Variants in KCNQ1OT1 observed in about 807,000 individuals in gnomAD.
KCNQ1OT1 encodes KCNQ1 antisense RNA 2 (non-protein coding).
Position 2,676,152 on chromosome 11 carries a change from A to G in KCNQ1OT1, n.23843T>C. On this transcript the variant is annotated non_coding_transcript_exon_variant, in exon 1 of 1. Transcript: ENST00000597346. This position sits in a 1 kb window ranked among gnomAD's most constrained non-coding sequence, Gnocchi z 4.2. ...ATACAAATGGTAGCATACTGTATGTATTTTTCTACACTTTGCCTTTGACTT... is the reference window on the plus strand; with the variant it reads ...ATACAAATGGTAGCATACTGTATGTGTTTTTCTACACTTTGCCTTTGACTT... The G allele has an allele frequency of 5.0e-6, 2 of 398,548 alleles. No homozygotes were observed. Among genetic ancestry groups the G allele is most frequent in the Non-Finnish European group, 4.4e-6 (1 of 226,046 alleles). 24.7% of individuals were successfully genotyped at this position (398,548 alleles called of 1,614,324 possible). A position where few individuals can be genotyped will look rare whatever the true frequency, so the allele number is the denominator to read the frequency against.
rs16928535 is a variant in KCNQ1OT1, at chr11:2,677,050, T to G, written n.22945A>C. On this transcript the variant is annotated non_coding_transcript_exon_variant, in exon 1 of 1. Coordinates refer to ENST00000597346, the Ensembl canonical transcript of KCNQ1OT1. This position sits in a 1 kb window ranked among gnomAD's most constrained non-coding sequence, Gnocchi z 4.5. ...TCTGTTGATGGATATGTAGGGCAGC[T>G]AAAAAACAGCAGCCATTAACCATTC... The G allele has an allele frequency of 0.014, 5,643 of 398,612 alleles. 194 individuals are homozygous for G. The highest frequency in any genetic ancestry group is 0.096 in the East Asian group (2,686 of 28,082). 24.7% of individuals were successfully genotyped at this position (398,612 alleles called of 1,614,324 possible).
exon 1 of KCNQ1OT1, chr11:2,665,606 C>T (rs1384501749): frequency 2.5e-6 from 1 of 397,142 alleles, no homozygotes; most frequent in Non-Finnish European, 4.4e-6. Context: ...CCCCAGGACA[C>T]ACTTAGGCTG....
chr11:2,666,493 C>G (rs1359813136), exon 1 of KCNQ1OT1: 6 of 398,568 alleles, frequency 1.5e-5, no homozygotes, highest in Non-Finnish European at 2.7e-5. Flanking sequence ...TCGAGTTGCT[C>G]TTTTCCAGCA....
rs1246459761 is a variant in KCNQ1OT1, at chr11:2,620,502, T to TTGTA, written n.79492_79493insTACA. The TTGTA allele has an allele frequency of 8.1e-6, 3 of 369,978 alleles. No individual in the cohort carries two copies. The East Asian group carries it at 1.2e-4, about 14-fold the overall frequency. The allele number at this position is 369,978 out of a possible 1,614,324, so 22.9% of individuals were successfully genotyped here. A position where few individuals can be genotyped will look rare whatever the true frequency, so the allele number is the denominator to read the frequency against. ...AAGTGCTGGGATTACAGGTGAGAGCTACCGCACCTGGCCGAATTCATTCAT... is the reference window on the plus strand; with the variant it reads ...AAGTGCTGGGATTACAGGTGAGAGCTTGTAACCGCACCTGGCCGAATTCATTCAT... On this transcript the variant is annotated non_coding_transcript_exon_variant, in exon 1 of 1. Transcript: ENST00000597346. The surrounding 1 kb of genome is among the most constrained non-coding windows in gnomAD (Gnocchi z 4.5).
rs985194859 is a variant in KCNQ1OT1, at chr11:2,688,210, C to T, written n.11785G>A. 1.3e-5 allele frequency: 5 copies of T among 398,654 alleles called. No individual in the cohort carries two copies. In the East Asian group the frequency reaches 1.4e-4, roughly 11 times the overall value. The allele number at this position is 398,654 out of a possible 1,614,324, so 24.7% of individuals were successfully genotyped here. On this transcript the variant is annotated non_coding_transcript_exon_variant, in exon 1 of 1. Coordinates refer to ENST00000597346, the Ensembl canonical transcript of KCNQ1OT1. ...AGGGGGCAGGAGGGGCTGCACTGAG[C>T]CCACCAAAGGTTGTAGCCACTCATA...
At chr11:2,615,230 T>G (rs1333970881) in exon 1 of KCNQ1OT1, 2 of 398,030 alleles carry the variant, frequency 5.0e-6, no homozygotes, top group African/African-American at 4.1e-5. Flanking sequence ...ACAAATGATT[T>G]TCTTAAAATA....
At chr11:2,636,220 T>C (rs1267463568) in exon 1 of KCNQ1OT1, 2 of 152,204 alleles carry the variant, frequency 1.3e-5, no homozygotes, top group East Asian at 1.9e-4. Context: ...TCCAACACTA[T>C]GTTGAATAGG....
rs1280869157 is a variant in KCNQ1OT1, at chr11:2,645,948, C to T, written n.54047G>A. On this transcript the variant is annotated non_coding_transcript_exon_variant, in exon 1 of 1. Coordinates refer to ENST00000597346, the Ensembl canonical transcript of KCNQ1OT1. This position sits in a 1 kb window ranked among gnomAD's most constrained non-coding sequence, Gnocchi z 5.8. The stretch of plus-strand genomic sequence containing the variant: ...TAGCCTCTTGTTAGTCTCAAGGCAT[C>T]TATGGGTCAGGGGGTTCTCTGACTA... 1 of 398,500 alleles carries T rather than the reference C, an allele frequency of 2.5e-6. No individual in the cohort carries two copies. The highest frequency in any genetic ancestry group is 4.4e-6 in the Non-Finnish European group (1 of 226,100). The allele number at this position is 398,500 out of a possible 1,614,324, so 24.7% of individuals were successfully genotyped here. A position where few individuals can be genotyped will look rare whatever the true frequency, so the allele number is the denominator to read the frequency against.
At position 2,654,149 on chromosome 11, in the gene KCNQ1OT1, G is replaced by C. The variant is rs1849800403; in HGVS notation, n.45846C>G. 1 of 398,580 alleles carries C rather than the reference G, an allele frequency of 2.5e-6. No individual in the cohort carries two copies. Among genetic ancestry groups the C allele is most frequent in the Non-Finnish European group, 4.4e-6 (1 of 225,984 alleles). 24.7% of individuals were successfully genotyped at this position (398,580 alleles called of 1,614,324 possible). Reference sequence around the variant, plus strand: ...GGGGCCACTCTGGCTCAGGGTCTATGAGCCGGGCATGGGCAGCTGGCACAG... The same window carrying C: ...GGGGCCACTCTGGCTCAGGGTCTATCAGCCGGGCATGGGCAGCTGGCACAG... On this transcript the variant is annotated non_coding_transcript_exon_variant, in exon 1 of 1. Transcript: ENST00000597346. The surrounding 1 kb of genome is among the most constrained non-coding windows in gnomAD (Gnocchi z 6.4).
In KCNQ1OT1 at chr11:2,608,380, GTT is replaced by G; in HGVS notation, n.91613_91614del. 1 of 398,494 alleles carries G rather than the reference GTT, an allele frequency of 2.5e-6. No homozygotes were observed. Among genetic ancestry groups the G allele is most frequent in the African/African-American group, 2.1e-5 (1 of 48,726 alleles). 24.7% of individuals were successfully genotyped at this position (398,494 alleles called of 1,614,324 possible). A position where few individuals can be genotyped will look rare whatever the true frequency, so the allele number is the denominator to read the frequency against. ...CTAGGAATTTGTCAATTTCATCTAAGTTTTATAATTTATTGGCACAAAATTGT... is the reference window on the plus strand; with the variant it reads ...CTAGGAATTTGTCAATTTCATCTAAGTTATAATTTATTGGCACAAAATTGT... On this transcript the variant is annotated non_coding_transcript_exon_variant, in exon 1 of 1. Transcript: ENST00000597346. This position sits in a 1 kb window ranked among gnomAD's most constrained non-coding sequence, Gnocchi z 4.6.
rs975421996 is a variant in KCNQ1OT1 at position 2,647,594 on chromosome 11, T to G, written n.52401A>C. On this transcript the variant is annotated non_coding_transcript_exon_variant, in exon 1 of 1. Transcript: ENST00000597346. This position sits in a 1 kb window ranked among gnomAD's most constrained non-coding sequence, Gnocchi z 4.0. Reference sequence around the variant, plus strand: ...GAATTCATGTTAGTTCTTTAAAGGTTTGGTAGAATTCAGTAGAAAACCCGT... The same window carrying G: ...GAATTCATGTTAGTTCTTTAAAGGTGTGGTAGAATTCAGTAGAAAACCCGT... 2 of 398,426 alleles carry G rather than the reference T, an allele frequency of 5.0e-6. No homozygotes were observed. The highest frequency in any genetic ancestry group is 8.8e-6 in the Non-Finnish European group (2 of 226,050). 24.7% of individuals were successfully genotyped at this position (398,426 alleles called of 1,614,324 possible).
At chr11:2,639,610 C>T (rs999826775) in exon 1 of KCNQ1OT1, 1 of 152,512 alleles carries the variant, frequency 6.6e-6, no homozygotes, top group East Asian at 1.9e-4. Flanking sequence ...TGTGAGGTGT[C>T]AGTCTGCCCC....
Position 2,653,760 on chromosome 11 carries a change from TGG to T in KCNQ1OT1, n.46233_46234del. Reference sequence around the variant, plus strand: ...AGGCCAGGTTCTTATTGGCCTCAGCTGGGGTACAAGCCATCCTTGGACCTGCA... The same window carrying T: ...AGGCCAGGTTCTTATTGGCCTCAGCTGGTACAAGCCATCCTTGGACCTGCA... On this transcript the variant is annotated non_coding_transcript_exon_variant, in exon 1 of 1. Coordinates refer to ENST00000597346, the Ensembl canonical transcript of KCNQ1OT1. The surrounding 1 kb of genome is among the most constrained non-coding windows in gnomAD (Gnocchi z 5.3). 2.5e-6 allele frequency: 1 copy of T among 398,654 alleles called. No homozygotes were observed. The highest frequency in any genetic ancestry group is 1.3e-4 in the South Asian group (1 of 7,858). 24.7% of individuals were successfully genotyped at this position (398,654 alleles called of 1,614,324 possible). A position where few individuals can be genotyped will look rare whatever the true frequency, so the allele number is the denominator to read the frequency against.
In KCNQ1OT1 at chr11:2,679,080, A is replaced by C. The variant is rs1387021591; in HGVS notation, n.20915T>G. ...ACCAAAAAAACCCACTAACACCATA[A>C]AGTGTCATAGCTAGAGCTAGAGTGC... On this transcript the variant is annotated non_coding_transcript_exon_variant, in exon 1 of 1. Coordinates refer to ENST00000597346, the Ensembl canonical transcript of KCNQ1OT1. This position sits in a 1 kb window ranked among gnomAD's most constrained non-coding sequence, Gnocchi z 4.8. 2.5e-6 allele frequency: 1 copy of C among 398,514 alleles called. No individual in the cohort carries two copies. Among genetic ancestry groups the C allele is most frequent in the Admixed American group, 4.4e-5 (1 of 22,722 alleles). The allele number at this position is 398,514 out of a possible 1,614,324, so 24.7% of individuals were successfully genotyped here.
In KCNQ1OT1 at chr11:2,620,739, G is replaced by T. The variant is rs1849155933; in HGVS notation, n.79256C>A. ...GATTGCTGGGTCAGATGGTAGTTCT[G>T]TTTTCAGTTATTTGAGAAAACTCCA... is the stretch of plus-strand genomic sequence containing the variant. On this transcript the variant is annotated non_coding_transcript_exon_variant, in exon 1 of 1. Coordinates refer to ENST00000597346, the Ensembl canonical transcript of KCNQ1OT1. The surrounding 1 kb of genome is among the most constrained non-coding windows in gnomAD (Gnocchi z 4.5). 2.5e-6 allele frequency: 1 copy of T among 398,450 alleles called. No homozygotes were observed. Among genetic ancestry groups the T allele is most frequent in the African/African-American group, 2.1e-5 (1 of 48,608 alleles). The allele number at this position is 398,450 out of a possible 1,614,324, so 24.7% of individuals were successfully genotyped here.
Position 2,651,001 on chromosome 11 carries a change from C to G in KCNQ1OT1, n.48994G>C. 1 of 398,706 alleles carries G rather than the reference C, an allele frequency of 2.5e-6. No individual in the cohort carries two copies. The highest frequency in any genetic ancestry group is 4.4e-6 in the Non-Finnish European group (1 of 226,120). The allele number at this position is 398,706 out of a possible 1,614,324, so 24.7% of individuals were successfully genotyped here. On this transcript the variant is annotated non_coding_transcript_exon_variant, in exon 1 of 1. Transcript: ENST00000597346. The surrounding 1 kb of genome is among the most constrained non-coding windows in gnomAD (Gnocchi z 6.1). ...CTTATCAACTCTCTGGATTTGCCCA[C>G]ACCTAGTCTCTCCAGCTATCTCCCT...
rs186403060 is a variant in KCNQ1OT1, at chr11:2,682,328, G to C, written n.17667C>G. On this transcript the variant is annotated non_coding_transcript_exon_variant, in exon 1 of 1. Transcript: ENST00000597346. This position sits in a 1 kb window ranked among gnomAD's most constrained non-coding sequence, Gnocchi z 5.8. ...TCCCATTCTTAATGTGTAACTGTGTGTTTATTTGTGGTAAAGGGTTTACTG... is the reference window on the plus strand; with the variant it reads ...TCCCATTCTTAATGTGTAACTGTGTCTTTATTTGTGGTAAAGGGTTTACTG... The C allele has an allele frequency of 2.5e-6, 1 of 398,492 alleles. No homozygotes were observed. Among genetic ancestry groups the C allele is most frequent in the Admixed American group, 4.4e-5 (1 of 22,712 alleles). 24.7% of individuals were successfully genotyped at this position (398,492 alleles called of 1,614,324 possible).
At position 2,652,012 on chromosome 11, in the gene KCNQ1OT1, T is replaced by G. The variant is rs556987410; in HGVS notation, n.47983A>C. 3 of 398,556 alleles carry G rather than the reference T, an allele frequency of 7.5e-6. No individual in the cohort carries two copies. The highest frequency in any genetic ancestry group is 1.3e-4 in the South Asian group (1 of 7,860). 24.7% of individuals were successfully genotyped at this position (398,556 alleles called of 1,614,324 possible). On this transcript the variant is annotated non_coding_transcript_exon_variant, in exon 1 of 1. Transcript: ENST00000597346. This position sits in a 1 kb window ranked among gnomAD's most constrained non-coding sequence, Gnocchi z 5.9. The stretch of plus-strand genomic sequence containing the variant: ...ACATCAGTTGTTAACATAATTTTGA[T>G]GTTGAGCCTCCCCCCAGTTCTGGGG...
At chr11:2,609,299 G>A (rs1457696951) in exon 1 of KCNQ1OT1, 1 of 398,176 alleles carries the variant, frequency 2.5e-6, no homozygotes, top group Admixed American at 4.4e-5. Flanking sequence ...TAAGAATGTA[G>A]TGTTGTTTAA....
Sources: gnomAD v4.1 joint callset for allele counts on GRCh38, gnomAD v4.1.1 for gene constraint, Gnocchi (gnomAD v3.1) non-coding constraint, MANE v1.5 for transcripts, NCBI Gene and HGNC (gene_info 2026-07-23, HGNC 2026-07-21) for gene names.